The following NSMCE2 variants were observed in gnomAD, a reference collection of about 807,000 sequenced individuals.
The protein encoded by NSMCE2 is NSE2 SUMO ligase component of SMC5/6 complex, also known as E3 SUMO-protein ligase NSE2.
Under a neutral mutation model 23.8 loss-of-function variants are expected in NSMCE2, and 24 were observed. The observed-to-expected ratio is 1.01, with a 90% CI of 0.73 to 1.42. The LOEUF (loss-of-function observed/expected upper bound fraction) is 1.42. Ranked by LOEUF, NSMCE2 falls within the 40% of genes most tolerant of loss-of-function variation. NSMCE2 has a pLI of 0.00. For synonymous variants in NSMCE2, 92 were observed against 94.1 expected (o/e 0.98, Z 0.13); for missense variants, 284 against 296.5 (o/e 0.96, Z 0.31).
At position 125,263,798 on chromosome 8, in the gene NSMCE2, A is replaced by G. The variant is rs568406817; in HGVS notation, c.418+81542A>G. The stretch of plus-strand genomic sequence containing the variant: ...AGAGGCCTGATATGACCTAGAATAA[A>G]TTTAATCTGGGACTAACTCAGGAAT... On this transcript the variant is annotated intron_variant, in intron 5 of 7. Coordinates refer to ENST00000287437, the MANE Select transcript of NSMCE2 (RefSeq NM_173685.4). Among the ~76,000 whole-genome samples the G allele has an allele frequency of 9.2e-5, 14 of 151,808 alleles. No individual in the cohort carries two copies. In the South Asian group the frequency reaches 2.9e-3, roughly 31 times the overall value.
intron 7 of NSMCE2, among the ~76,000 whole-genome samples, chr8:125,359,624 C>T (rs1039504602): frequency 9.2e-5 from 14 of 152,078 alleles, no homozygotes; most frequent in Non-Finnish European, 1.5e-4. Context: ...TGAGCCATCG[C>T]GCCCAGCCAT....
At chr8:125,229,486 C>T (rs1440402299) in intron 5 of NSMCE2, among the ~76,000 whole-genome samples, 3 of 152,046 alleles carry the variant, frequency 2.0e-5, no homozygotes, top group Admixed American at 6.6e-5. Flanking sequence ...GAAGGGATTG[C>T]CAGGAAGAAA....
At chr8:125,295,162 G>C (rs1306428440) in intron 5 of NSMCE2, among the ~76,000 whole-genome samples, 1 of 152,124 alleles carries the variant, frequency 6.6e-6, no homozygotes, top group African/African-American at 2.4e-5. Context: ...TCCAGTAAAA[G>C]CACTGTGATT....
intron 5 of NSMCE2, among the ~76,000 whole-genome samples, chr8:125,258,150 A>G (rs1330497393): frequency 6.6e-6 from 1 of 152,196 alleles, no homozygotes; most frequent in Non-Finnish European, 1.5e-5. Context: ...AAATAGTTTT[A>G]TAAGAGTAGG....
chr8:125,154,250 A>G (rs749951240), intron 4 of NSMCE2, among the ~76,000 whole-genome samples: 1 of 152,192 alleles, frequency 6.6e-6, no homozygotes, highest in African/African-American at 2.4e-5. Context: ...ATTTGAATTT[A>G]TTATTTAAAT....
intron 1 of NSMCE2, among the ~76,000 whole-genome samples, chr8:125,098,858 G>A (rs550664184): frequency 6.6e-6 from 1 of 152,232 alleles, no homozygotes; most frequent in Non-Finnish European, 1.5e-5. Flanking sequence ...AAGTTCTGGA[G>A]TGATCTTGCC....
intron 1 of NSMCE2, among the ~76,000 whole-genome samples, chr8:125,096,167 A>G (rs922694056): frequency 2.0e-5 from 3 of 152,204 alleles, no homozygotes; most frequent in African/African-American, 7.2e-5. Context: ...CAAGCTATCA[A>G]ATGGGAAAAT....
chr8:125,166,557 G>A (rs761243459), intron 4 of NSMCE2, among the ~76,000 whole-genome samples: 6 of 152,158 alleles, frequency 3.9e-5, no homozygotes, highest in South Asian at 2.1e-4. Context: ...GTGAGCCACC[G>A]CGCCTGGCCC....
chr8:125,225,857 T>G (rs1825069674), intron 5 of NSMCE2, among the ~76,000 whole-genome samples: 1 of 152,218 alleles, frequency 6.6e-6, no homozygotes, highest in South Asian at 2.1e-4. Flanking sequence ...ATAACACGCT[T>G]TAACTGGAGA....
At chr8:125,143,151 G>T (rs1278912709) in intron 3 of NSMCE2, among the ~76,000 whole-genome samples, 3 of 152,060 alleles carry the variant, frequency 2.0e-5, no homozygotes, top group Non-Finnish European at 4.4e-5. Context: ...GATGTGTGTT[G>T]CTAGAGATAG....
intron 5 of NSMCE2, among the ~76,000 whole-genome samples, chr8:125,242,401 A>G (rs1018888563): frequency 6.6e-6 from 1 of 152,056 alleles, no homozygotes; most frequent in African/African-American, 2.4e-5. Context: ...GAGACACCAC[A>G]TGTTCACCAC....
chr8:125,165,530 T>C (rs1821833229), intron 4 of NSMCE2, among the ~76,000 whole-genome samples: 1 of 152,228 alleles, frequency 6.6e-6, no homozygotes, highest in Non-Finnish European at 1.5e-5. Flanking sequence ...GGTTTAATGA[T>C]ATTATCTTAC....
intron 4 of NSMCE2, among the ~76,000 whole-genome samples, chr8:125,171,855 T>A (rs912697328): frequency 2.6e-5 from 4 of 152,194 alleles, no homozygotes; most frequent in African/African-American, 9.6e-5. Context: ...ATGGAAACGT[T>A]CTATATCTGC....
chr8:125,254,904 A>C (rs1826343081), intron 5 of NSMCE2, among the ~76,000 whole-genome samples: 1 of 152,104 alleles, frequency 6.6e-6, no homozygotes, highest in Non-Finnish European at 1.5e-5. Flanking sequence ...CATGTCCCCC[A>C]AAATTATTTG....
intron 5 of NSMCE2, among the ~76,000 whole-genome samples, chr8:125,340,002 G>GTTTTTTT (rs202059678): frequency 8.7e-5 from 9 of 103,694 alleles, no homozygotes; most frequent in South Asian, 6.8e-4. Flanking sequence ...CGACGTTGTA[G>GTTTTTTT]TTTTTTTTTG....
chr8:125,362,598 C>CT (rs1238989325), intron 7 of NSMCE2, among the ~76,000 whole-genome samples: 1 of 152,182 alleles, frequency 6.6e-6, no homozygotes, highest in Non-Finnish European at 1.5e-5. Flanking sequence ...TGTCCTCTGC[C>CT]TTCATGTTCT....
chr8:125,298,687 G>GTTTTT (rs35334691), intron 5 of NSMCE2, among the ~76,000 whole-genome samples: 3 of 85,952 alleles, frequency 3.5e-5, no homozygotes, highest in Non-Finnish European at 4.5e-5. Flanking sequence ...TCATCTGTGG[G>GTTTTT]TTTTTTTTTG....
chr8:125,262,652 C>T (rs1313102863), intron 5 of NSMCE2, among the ~76,000 whole-genome samples: 1 of 152,104 alleles, frequency 6.6e-6, no homozygotes, highest in East Asian at 1.9e-4. Context: ...GCTTTTAGCT[C>T]CACAATCTGG....
chr8:125,233,869 T>C (rs1471891865), intron 5 of NSMCE2, among the ~76,000 whole-genome samples: 10 of 152,080 alleles, frequency 6.6e-5, no homozygotes, highest in Non-Finnish European at 1.5e-5. Context: ...TAGATCCCTA[T>C]TGATTATTTA....
Sources: gnomAD v4.1 joint callset for allele counts (sites outside exome capture counted in the v4.1 genomes callset) on GRCh38, gnomAD v4.1.1 for gene constraint, MANE v1.5 for transcripts, NCBI Gene and HGNC (gene_info 2026-07-23, HGNC 2026-07-21) for gene names.